SLC35F4: variants seen among roughly 807,000 people sequenced by gnomAD.
The protein encoded by SLC35F4 is solute carrier family 35 member F4.
Under a neutral mutation model 44.2 loss-of-function variants are expected in SLC35F4, and 24 were observed. The observed-to-expected ratio is 0.54, with a 90% CI of 0.39 to 0.76. The LOEUF (loss-of-function observed/expected upper bound fraction) is 0.76, where lower values mean the gene tolerates loss of function less well. SLC35F4 is among the 30% of genes least tolerant of loss of function. The pLI, the probability that SLC35F4 is intolerant of heterozygous loss-of-function variation, is 0.00. For missense variants in SLC35F4, 562 were observed against 586.1 expected (o/e 0.96, Z 0.42); for synonymous variants, 238 against 223.6 (o/e 1.06, Z -0.57).
chr14:57,650,552 G>C (rs1240113093), intron 1 of SLC35F4, among the ~76,000 whole-genome samples: 1 of 152,044 alleles, frequency 6.6e-6, no homozygotes, highest in African/African-American at 2.4e-5. Flanking sequence ...CCTCTGTCAT[G>C]TCCAGCCCAG....
chr14:57,680,150 C>T (rs779500251), intron 1 of SLC35F4, among the ~76,000 whole-genome samples: 3 of 152,068 alleles, frequency 2.0e-5, no homozygotes, highest in Non-Finnish European at 2.9e-5. Context: ...CCGAATCCAG[C>T]AGCACATCAA....
intron 1 of SLC35F4, among the ~76,000 whole-genome samples, chr14:57,863,674 G>A (rs182209552): frequency 1.3e-5 from 2 of 152,274 alleles, no homozygotes; most frequent in Admixed American, 6.5e-5. Context: ...TTATTTCATG[G>A]TGCTCGGTTC....
At chr14:57,644,679 A>C (rs905466444) in intron 1 of SLC35F4, among the ~76,000 whole-genome samples, 1 of 152,144 alleles carries the variant, frequency 6.6e-6, no homozygotes, top group Non-Finnish European at 1.5e-5. Flanking sequence ...TTAGACATGA[A>C]GTCCTTGCCC....
chr14:57,872,435 T>A (rs149716904), intron 1 of SLC35F4, among the ~76,000 whole-genome samples: 80 of 152,182 alleles, frequency 5.3e-4, no homozygotes, highest in African/African-American at 1.9e-3. Context: ...ACCAAATAAC[T>A]TTTATGCTCC....
At chr14:57,568,026 G>A (rs754761790) in intron 6 of SLC35F4, among the ~76,000 whole-genome samples, 5 of 152,196 alleles carry the variant, frequency 3.3e-5, no homozygotes, top group Non-Finnish European at 5.9e-5. Context: ...AGAGAGGGAC[G>A]GCAATAAACA....
intron 1 of SLC35F4, among the ~76,000 whole-genome samples, chr14:57,724,647 C>T (rs777178748): frequency 9.2e-5 from 14 of 152,194 alleles, no homozygotes; most frequent in Non-Finnish European, 1.6e-4. Context: ...TGCCATCCTG[C>T]ATTCTCCCCC....
In SLC35F4 at chr14:57,590,021, C is replaced by T. The variant is rs560522591; in HGVS notation, c.290-508G>A. Reference sequence around the variant, plus strand: ...CATGAGCAGAACCCAGCCAAAGCTGCTCTGTATGCACCAACATGAAAAGCG... The same window carrying T: ...CATGAGCAGAACCCAGCCAAAGCTGTTCTGTATGCACCAACATGAAAAGCG... On this transcript the variant is annotated intron_variant, in intron 2 of 7. Coordinates refer to ENST00000556826, the MANE Select transcript of SLC35F4 (RefSeq NM_001306087.2). Among the ~76,000 whole-genome samples, 9 of 152,056 alleles carry T rather than the reference C, an allele frequency of 5.9e-5. No individual in the cohort carries two copies. The South Asian group carries it at 1.9e-3, about 32-fold the overall frequency.
chr14:57,903,534 C>G (rs1452821474), intron 1 of SLC35F4, among the ~76,000 whole-genome samples: 1 of 152,170 alleles, frequency 6.6e-6, no homozygotes, highest in African/African-American at 2.4e-5. Context: ...TGTCAATATC[C>G]ATCTTCCCTT....
chr14:57,579,373 A>G (rs2069067079), intron 4 of SLC35F4: 1 of 152,238 alleles, frequency 6.6e-6, no homozygotes, highest in African/African-American at 2.4e-5. Context: ...ATTTAAAGAT[A>G]AGTTACACAG....
At chr14:57,631,096 G>A (rs1292121700) in intron 1 of SLC35F4, 1 of 155,058 alleles carries the variant, frequency 6.4e-6, no homozygotes, top group African/African-American at 2.4e-5. Flanking sequence ...CATAGCTACA[G>A]TACAACACTG....
At chr14:57,765,977 G>A (rs772657607) in intron 1 of SLC35F4, among the ~76,000 whole-genome samples, 1 of 152,206 alleles carries the variant, frequency 6.6e-6, no homozygotes, top group African/African-American at 2.4e-5. Context: ...GTATCAGTAA[G>A]AGGCCACCGG....
chr14:57,679,593 T>G (rs1444360253), intron 1 of SLC35F4, among the ~76,000 whole-genome samples: 1 of 151,810 alleles, frequency 6.6e-6, no homozygotes, highest in Non-Finnish European at 1.5e-5. Context: ...GGAGCTGGTT[T>G]TTTCAAAAGA....
intron 1 of SLC35F4, among the ~76,000 whole-genome samples, chr14:57,660,967 A>C (rs962775525): frequency 2.6e-5 from 4 of 152,178 alleles, no homozygotes; most frequent in Non-Finnish European, 4.4e-5. Context: ...AGTAGTAGAA[A>C]ACTAATGCAT....
rs183373318 is a variant in SLC35F4, at chr14:57,769,043, T to G, written c.103+96680A>C. ...ATTTTTTAGTTGCTCTAAAGAGTAC[T>G]GTTTGTAAGGAATTTCCAGAAAACA... On this transcript the variant is annotated intron_variant, in intron 1 of 7. Coordinates refer to ENST00000556826, the MANE Select transcript of SLC35F4 (RefSeq NM_001306087.2). Among the ~76,000 whole-genome samples, 16 of 152,308 alleles carry G rather than the reference T, an allele frequency of 1.1e-4. No individual in the cohort carries two copies. In the East Asian group the frequency reaches 3.1e-3, roughly 29 times the overall value.
intron 1 of SLC35F4, among the ~76,000 whole-genome samples, chr14:57,689,690 G>A (rs1259754993): frequency 2.8e-5 from 4 of 140,498 alleles, no homozygotes; most frequent in Non-Finnish European, 6.1e-5. Flanking sequence ...TGAACAATGA[G>A]AACACTTGGA....
intron 1 of SLC35F4, among the ~76,000 whole-genome samples, chr14:57,763,956 T>G (rs530901213): frequency 6.6e-6 from 1 of 152,216 alleles, no homozygotes; most frequent in Non-Finnish European, 1.5e-5. Flanking sequence ...AACTTCCAGG[T>G]TAGATCACAA....
intron 1 of SLC35F4, among the ~76,000 whole-genome samples, chr14:57,670,000 A>G (rs2074458310): frequency 6.6e-6 from 1 of 152,020 alleles, no homozygotes; most frequent in African/African-American, 2.4e-5. Context: ...TATTGCCTCA[A>G]TTTCAGAGCC....
intron 2 of SLC35F4, among the ~76,000 whole-genome samples, chr14:57,592,372 T>C (rs1020052839): frequency 5.9e-5 from 9 of 152,248 alleles, no homozygotes; most frequent in Admixed American, 3.3e-4. Context: ...TGAGCTTCTT[T>C]TCAGATTATT....
intron 1 of SLC35F4, among the ~76,000 whole-genome samples, chr14:57,914,549 C>T (rs1051087111): frequency 7.3e-5 from 11 of 151,324 alleles, no homozygotes; most frequent in South Asian, 2.1e-4. Flanking sequence ...GGCAGCATAG[C>T]GAGACTCCGC....
Sources: allele counts gnomAD v4.1 joint callset (sites outside exome capture counted in the v4.1 genomes callset), GRCh38; gene constraint gnomAD v4.1.1; transcripts MANE v1.5; gene names NCBI Gene and HGNC (gene_info 2026-07-23, HGNC 2026-07-21).